Variants in FLRT1 observed in about 807,000 individuals in gnomAD.
FLRT1 encodes fibronectin leucine rich transmembrane protein 1, also known as leucine-rich repeat transmembrane protein FLRT1.
A neutral mutation model predicts 30.9 loss-of-function variants in FLRT1; 14 were observed. That is an observed-to-expected ratio of 0.45 (90% CI 0.30 to 0.71). FLRT1 has a LOEUF of 0.71. Among genes scored for constraint, FLRT1 ranks in the 30% least tolerant of loss-of-function variants. FLRT1 has a pLI of 0.08. For missense variants in FLRT1, 737 were observed against 949.2 expected (o/e 0.78, Z 2.94); for synonymous variants, 368 against 430.4 (o/e 0.85, Z 1.80).
chr11:64,044,248 C>A (rs1943543299), intron 1 of FLRT1, among the ~76,000 whole-genome samples: 1 of 150,662 alleles, frequency 6.6e-6, no homozygotes, highest in Non-Finnish European at 1.5e-5. Flanking sequence ...GTTCCCCCAA[C>A]AACTTTTTTT....
At chr11:64,087,249 CTGCCCCAGTTCCA>C (rs1365182027) in intron 1 of FLRT1, 7 of 152,308 alleles carry the variant, frequency 4.6e-5, no homozygotes, top group African/African-American at 1.7e-4. Flanking sequence ...TCCTGGGCCC[CTGCCCCAGTTCCA>C]TGCCCTCTGT....
In FLRT1 at chr11:64,117,485, G is replaced by A. The variant is rs757219781; in HGVS notation, c.1218G>A (p.Gln406=). 1 of 1,612,326 alleles carries A rather than the reference G, an allele frequency of 6.2e-7. No individual in the cohort carries two copies. ...ASNHASATTP[Q]GSLFTLKAKR... ...ACCACGCCTCTGCCACCACGCCCCA[G>A]GGTTCCCTGTTTACCCTCAAGGCCA... The change falls in exon 3 of 3, where the codon CAG becomes CAA. Residue 406 remains glutamine (Q), a synonymous_variant. Coordinates refer to ENST00000682287, the MANE Select transcript of FLRT1 (RefSeq NM_013280.5).
At chr11:64,105,702 A>G (rs996330341) in intron 2 of FLRT1, among the ~76,000 whole-genome samples, 1 of 152,112 alleles carries the variant, frequency 6.6e-6, no homozygotes, top group Non-Finnish European at 1.5e-5. Flanking sequence ...AGCGGCTCCC[A>G]TGAGGCCCTG....
chr11:64,087,938 G>A (rs1944422991), intron 1 of FLRT1, among the ~76,000 whole-genome samples: 1 of 152,168 alleles, frequency 6.6e-6, no homozygotes, highest in African/African-American at 2.4e-5. Flanking sequence ...ATTGTGTCAG[G>A]AGGGGAGGCC....
chr11:64,113,568 G>T (rs1944901621), intron 2 of FLRT1, among the ~76,000 whole-genome samples: 1 of 144,650 alleles, frequency 6.9e-6, no homozygotes, highest in Non-Finnish European at 1.5e-5. Flanking sequence ...ATGGACAGGT[G>T]GATGCATGGA....
chr11:64,118,594 G>GT lies in FLRT1; in HGVS notation c.*314dup, dbSNP rs10570373. 5.9e-3 allele frequency: 1,429 copies of GT among 240,598 alleles called. No individual in the cohort carries two copies. Among genetic ancestry groups the GT allele is most frequent in the East Asian group, 0.021 (279 of 13,232 alleles). 14.9% of individuals were successfully genotyped at this position (240,598 alleles called of 1,614,324 possible). ...AATATTGCAGGCAGGGCTGGGTTGG[G>GT]TTTTTTTTTTTTCCCCCCTGAACTG... On this transcript the variant is annotated 3_prime_UTR_variant, in exon 3 of 3. Coordinates refer to ENST00000682287, the MANE Select transcript of FLRT1 (RefSeq NM_013280.5).
At position 64,067,047 on chromosome 11, in the gene FLRT1, C is replaced by G. The variant is rs1565217223; in HGVS notation, c.-1038+30888C>G. 6.6e-6 allele frequency among the ~76,000 whole-genome samples: 1 copy of G among 152,192 alleles called. No individual in the cohort carries two copies. The highest frequency in any genetic ancestry group is 2.1e-4 in the South Asian group (1 of 4,832). ...AGATTGGATGAGGGGCTCAGGGACC[C>G]CCCATGCCCAATGTCCTGGCTCATT... On this transcript the variant is annotated intron_variant, in intron 1 of 2. Transcript: ENST00000682287. The surrounding 1 kb of genome is among the most constrained non-coding windows in gnomAD (Gnocchi z 4.6).
chr11:64,063,335 G>C (rs999580326), intron 1 of FLRT1, among the ~76,000 whole-genome samples: 1 of 152,158 alleles, frequency 6.6e-6, no homozygotes, highest in African/African-American at 2.4e-5. Context: ...GAGGATTGCT[G>C]GGTGCAGGGA....
At chr11:64,058,735 C>T (rs1397218959) in intron 1 of FLRT1, among the ~76,000 whole-genome samples, 1 of 152,276 alleles carries the variant, frequency 6.6e-6, no homozygotes. Context: ...ACCTCGCCTC[C>T]TGCTTGCCAG....
chr11:64,058,558 G>A (rs1298257700), intron 1 of FLRT1, among the ~76,000 whole-genome samples: 1 of 152,262 alleles, frequency 6.6e-6, no homozygotes, highest in Non-Finnish European at 1.5e-5. Flanking sequence ...ATGCCACGAG[G>A]ACACTGAAGA....
At chr11:64,105,835 T>A (rs1439977369) in intron 2 of FLRT1, among the ~76,000 whole-genome samples, 1 of 152,172 alleles carries the variant, frequency 6.6e-6, no homozygotes, top group Non-Finnish European at 1.5e-5. Flanking sequence ...GGGAGGGCTC[T>A]GTCTCCACCC....
chr11:64,107,306 G>A (rs1318049138), intron 2 of FLRT1, among the ~76,000 whole-genome samples: 1 of 152,174 alleles, frequency 6.6e-6, no homozygotes, highest in African/African-American at 2.4e-5. Context: ...TGCCGAGAGA[G>A]AAAGGAACAA....
intron 1 of FLRT1, among the ~76,000 whole-genome samples, chr11:64,098,456 A>C (rs1813900188): frequency 6.6e-6 from 1 of 151,918 alleles, no homozygotes; most frequent in African/African-American, 2.4e-5. Context: ...TAGCCCCCAC[A>C]CGGCAATGCT....
At chr11:64,115,455 C>T (rs533685799) in intron 2 of FLRT1, among the ~76,000 whole-genome samples, 1 of 151,866 alleles carries the variant, frequency 6.6e-6, no homozygotes, top group African/African-American at 2.4e-5. Context: ...TCCCACACAA[C>T]TCGGAACCCA....
At chr11:64,110,383 G>A (rs1041972824) in intron 2 of FLRT1, among the ~76,000 whole-genome samples, 2 of 151,760 alleles carry the variant, frequency 1.3e-5, no homozygotes, top group African/African-American at 2.4e-5. Context: ...TGGGGAGGTC[G>A]AGGCTGCAGT....
intron 1 of FLRT1, among the ~76,000 whole-genome samples, chr11:64,052,942 A>T (rs1943720887): frequency 6.6e-6 from 1 of 152,200 alleles, no homozygotes; most frequent in South Asian, 2.1e-4. Flanking sequence ...CCTCACGGTC[A>T]GGGCCATCTC....
intron 1 of FLRT1, among the ~76,000 whole-genome samples, chr11:64,068,017 C>T (rs967032026): frequency 2.6e-5 from 4 of 152,252 alleles, no homozygotes; most frequent in Middle Eastern, 3.4e-3. Context: ...GGAAAACCGC[C>T]GGTCTTGGGG....
At chr11:64,107,985 G>A (rs2134581959) in intron 2 of FLRT1, among the ~76,000 whole-genome samples, 1 of 152,300 alleles carries the variant, frequency 6.6e-6, no homozygotes, top group East Asian at 1.9e-4. Flanking sequence ...AACATTGAAA[G>A]TAACCTTATT....
At position 64,118,359 on chromosome 11, in the gene FLRT1, A is replaced by G; in HGVS notation, c.*67A>G. 2.7e-6 allele frequency: 4 copies of G among 1,471,544 alleles called. No individual in the cohort carries two copies. The Admixed American group carries it at 9.6e-5, about 35-fold the overall frequency. The allele number at this position is 1,471,544 out of a possible 1,614,324, so 91.2% of individuals were successfully genotyped here. On this transcript the variant is annotated 3_prime_UTR_variant, in exon 3 of 3. Coordinates refer to ENST00000682287, the MANE Select transcript of FLRT1 (RefSeq NM_013280.5). ...CTGGCGTGGCCATGTGGCTTTGCCC[A>G]GCCTGCTGCAATCCAAGAGAGCAAG...
Sources: allele counts gnomAD v4.1 joint callset (sites outside exome capture counted in the v4.1 genomes callset), GRCh38; gene constraint gnomAD v4.1.1; non-coding constraint Gnocchi (gnomAD v3.1); transcripts MANE v1.5; gene names NCBI Gene and HGNC (gene_info 2026-07-23, HGNC 2026-07-21).